Variants in CDC42BPB observed in about 807,000 individuals in gnomAD.
The protein encoded by CDC42BPB is serine/threonine-protein kinase MRCK beta.
In CDC42BPB, 37 loss-of-function variants were observed where a neutral mutation model predicts 214.9. The ratio of observed to expected loss-of-function variants is 0.17; its 90% CI spans 0.13 to 0.23. CDC42BPB has a LOEUF of 0.23. Among genes scored for constraint, CDC42BPB ranks in the 10% least tolerant of loss-of-function variants. The pLI is 1.00. For missense variants in CDC42BPB, 1,694 were observed against 2,227.0 expected (o/e 0.76, Z 4.82); for synonymous variants, 931 against 884.0 (o/e 1.05, Z -0.94).
chr14:102,978,025 A>AC, intron 9 of CDC42BPB, 101 bp downstream of exon 9: 1 of 868,886 alleles, frequency 1.2e-6, no homozygotes, highest in South Asian at 1.5e-5. Context: ...CCCAGCGCAC[A>AC]CACCACCCAC....
chr14:102,980,328 A>T (rs894115766), intron 8 of CDC42BPB, among the ~76,000 whole-genome samples: 1 of 152,234 alleles, frequency 6.6e-6, no homozygotes, highest in Non-Finnish European at 1.5e-5. Flanking sequence ...CCCCGTCTCT[A>T]CTATAAATAC....
chr14:102,954,755 C>G, intron 21 of CDC42BPB, 67 bp from the exon 22 acceptor site: 2 of 1,546,432 alleles, frequency 1.3e-6, no homozygotes, highest in Non-Finnish European at 1.8e-6. Context: ...ACTCTACTTA[C>G]AAGTTCTTTA....
rs1228617172 is a variant in CDC42BPB, at chr14:103,001,193, AG to A, written c.448-1481del. 6.6e-6 allele frequency among the ~76,000 whole-genome samples: 1 copy of A among 152,126 alleles called. No homozygotes were observed. The highest frequency in any genetic ancestry group is 1.5e-5 in the Non-Finnish European group (1 of 68,008). On this transcript the variant is annotated intron_variant, in intron 4 of 36. Coordinates refer to ENST00000361246, the MANE Select transcript of CDC42BPB (RefSeq NM_006035.4). This position sits in a 1 kb window ranked among gnomAD's most constrained non-coding sequence, Gnocchi z 5.8. Reference sequence around the variant, plus strand: ...AGCCCCAGCCTCCCCGCCCTGGCTCAGGCACTGCCCGTCCTTCCCCGCCGAG... The same window carrying A: ...AGCCCCAGCCTCCCCGCCCTGGCTCAGCACTGCCCGTCCTTCCCCGCCGAG...
intron 5 of CDC42BPB, 138 bp from the exon 6 acceptor site, chr14:102,986,718 C>G: frequency 7.4e-7 from 1 of 1,354,948 alleles, no homozygotes; most frequent in Non-Finnish European, 9.5e-7. Flanking sequence ...GTACAAATGC[C>G]TCTGTGTGAC....
Position 102,944,096 on chromosome 14 carries a change from C to A in CDC42BPB, c.4203G>T (p.Gly1401=). The A allele has an allele frequency of 6.2e-7, 1 of 1,613,450 alleles. No homozygotes were observed. The highest frequency in any genetic ancestry group is 8.5e-7 in the Non-Finnish European group (1 of 1,180,014). Residue 1401 remains glycine (G), a synonymous_variant, in exon 30 of 37, where the codon GGG becomes GGT. Coordinates refer to ENST00000361246, the MANE Select transcript of CDC42BPB (RefSeq NM_006035.4). This position sits in a 1 kb window ranked among gnomAD's most constrained non-coding sequence, Gnocchi z 6.6. ...TTACCAGGTTTAGAGGCTGCCCGTC[C>A]CCCTGGATGCTCAGCAGGCAGAACC... The part of the protein sequence containing the change: ...PSGFCLLSIQ[G]DGQPLNLVNP...
In CDC42BPB at chr14:102,963,099, A is replaced by C; in HGVS notation, c.2783T>G (p.Leu928Trp). 1 of 1,584,932 alleles carries C rather than the reference A, an allele frequency of 6.3e-7. No homozygotes were observed. Among genetic ancestry groups the C allele is most frequent in the Non-Finnish European group, 8.7e-7 (1 of 1,154,846 alleles). Reference protein sequence around the residue: ...NRELLEEMEILKKKMEEKFRA... With the variant: ...NRELLEEMEIWKKKMEEKFRA... ...GAATTTTTCTTCCATCTTTTTCTTCAAAATTTCCATTTCTTCTAATAATTC... is the reference window on the plus strand; with the variant it reads ...GAATTTTTCTTCCATCTTTTTCTTCCAAATTTCCATTTCTTCTAATAATTC... Residue 928 changes from leucine (L) to tryptophan (W), a missense_variant, in exon 20 of 37, where the codon TTG becomes TGG. Coordinates refer to ENST00000361246, the MANE Select transcript of CDC42BPB (RefSeq NM_006035.4).
At chr14:102,955,830 C>T (rs1223338654) in intron 21 of CDC42BPB, among the ~76,000 whole-genome samples, 1 of 152,196 alleles carries the variant, frequency 6.6e-6, no homozygotes, top group East Asian at 1.9e-4. Flanking sequence ...TTTTGTGTTC[C>T]ACATCAGAAT....
intron 29 of CDC42BPB, among the ~76,000 whole-genome samples, chr14:102,945,001 A>C (rs1006534798): frequency 6.6e-6 from 1 of 151,890 alleles, no homozygotes; most frequent in African/African-American, 2.4e-5. Flanking sequence ...CACGGCCCCC[A>C]GTGAAGACGC....
chr14:103,045,261 T>C (rs1282092306), intron 1 of CDC42BPB, among the ~76,000 whole-genome samples: 1 of 152,196 alleles, frequency 6.6e-6, no homozygotes, highest in African/African-American at 2.4e-5. Context: ...TAGAGAATGA[T>C]GAGGGGCAAG....
chr14:102,944,349 C>G lies in CDC42BPB; in HGVS notation c.3950G>C (p.Ser1317Thr), dbSNP rs1226248828. 3 of 1,613,074 alleles carry G rather than the reference C, an allele frequency of 1.9e-6. No homozygotes were observed. The Admixed American group carries it at 5.0e-5, about 27-fold the overall frequency. Residue 1317 changes from serine (S) to threonine (T), a missense_variant, in exon 30 of 37, where the codon AGC becomes ACC. Physicochemically the swap from Ser to Thr is moderately conservative, Grantham distance 58 (BLOSUM62 1). Coordinates refer to ENST00000361246, the MANE Select transcript of CDC42BPB (RefSeq NM_006035.4). This position sits in a 1 kb window ranked among gnomAD's most constrained non-coding sequence, Gnocchi z 6.6. Reference protein sequence around the residue: ...PWSSLDGAEGSFDIKLPETKG... With the variant: ...PWSSLDGAEGTFDIKLPETKG... ...GGTTTCCGGAAGCTTGATGTCAAAGCTGCCTTCCGCTCCATCAAGGGACGA... is the reference window on the plus strand; with the variant it reads ...GGTTTCCGGAAGCTTGATGTCAAAGGTGCCTTCCGCTCCATCAAGGGACGA...
chr14:103,036,628 G>A (rs1187467017), intron 1 of CDC42BPB, among the ~76,000 whole-genome samples: 1 of 151,910 alleles, frequency 6.6e-6, no homozygotes, highest in Non-Finnish European at 1.5e-5. Flanking sequence ...AAATGAATAC[G>A]ATAGGCTCAA....
intron 30 of CDC42BPB, chr14:102,941,240 G>C: frequency 1.0e-6 from 1 of 985,472 alleles, no homozygotes; most frequent in Non-Finnish European, 1.2e-6. Flanking sequence ...AAATGCAAGA[G>C]AGCTCCAGCT....
chr14:103,021,733 C>T (rs551869728), intron 1 of CDC42BPB, among the ~76,000 whole-genome samples: 11 of 151,342 alleles, frequency 7.3e-5, no homozygotes, highest in Admixed American at 2.0e-4. Flanking sequence ...ACAAGTGAGA[C>T]CACAGATTGA....
chr14:102,994,618 G>A (rs898457210), intron 5 of CDC42BPB, among the ~76,000 whole-genome samples: 6 of 152,212 alleles, frequency 3.9e-5, no homozygotes, highest in Non-Finnish European at 5.9e-5. Flanking sequence ...CAGGCACAGC[G>A]CTGAGAAGCA....
At chr14:103,045,837 G>A (rs1234981255) in intron 1 of CDC42BPB, among the ~76,000 whole-genome samples, 3 of 152,188 alleles carry the variant, frequency 2.0e-5, no homozygotes, top group Non-Finnish European at 2.9e-5. Context: ...CAAGGACAAC[G>A]TGAGCTCCAG....
chr14:103,031,169 G>C (rs1041561683), intron 1 of CDC42BPB, among the ~76,000 whole-genome samples: 1 of 151,798 alleles, frequency 6.6e-6, no homozygotes, highest in Non-Finnish European at 1.5e-5. Context: ...AAAAGTACAT[G>C]ACCCAGACAC....
intron 1 of CDC42BPB, among the ~76,000 whole-genome samples, chr14:103,040,415 A>G (rs1887923564): frequency 6.6e-6 from 1 of 151,842 alleles, no homozygotes; most frequent in Non-Finnish European, 1.5e-5. Flanking sequence ...AGAAAACTAA[A>G]CAACTCTCAC....
intron 1 of CDC42BPB, among the ~76,000 whole-genome samples, chr14:103,038,022 C>A (rs1322838644): frequency 1.5e-5 from 2 of 136,990 alleles, no homozygotes; most frequent in Non-Finnish European, 3.1e-5. Context: ...GAGCAAGACT[C>A]CGTCTCAAAA....
chr14:103,013,693 C>A (rs1259288453), intron 1 of CDC42BPB, among the ~76,000 whole-genome samples: 2 of 152,214 alleles, frequency 1.3e-5, no homozygotes, highest in Non-Finnish European at 2.9e-5. Flanking sequence ...AGTGATGCGG[C>A]CGCACACAAG....
Sources: gnomAD v4.1 joint callset for allele counts (sites outside exome capture counted in the v4.1 genomes callset) on GRCh38, gnomAD v4.1.1 for gene constraint, Gnocchi (gnomAD v3.1) non-coding constraint, MANE v1.5 for transcripts, NCBI Gene and HGNC (gene_info 2026-07-23, HGNC 2026-07-21) for gene names.